HGSNAT: variants seen among roughly 807,000 people sequenced by gnomAD.
HGSNAT encodes transmembrane protein 76.
In HGSNAT, 59 loss-of-function variants were observed where a neutral mutation model predicts 85.2. The ratio of observed to expected loss-of-function variants is 0.69; its 90% CI spans 0.56 to 0.86. The LOEUF (loss-of-function observed/expected upper bound fraction) is 0.86. Ranked by LOEUF, HGSNAT falls within the 40% of genes least tolerant of loss-of-function variation. HGSNAT has a pLI of 0.00. For synonymous variants in HGSNAT, 321 were observed against 304.5 expected (o/e 1.05, Z -0.56); for missense variants, 756 against 777.1 (o/e 0.97, Z 0.32).
In HGSNAT at chr8:43,173,762, C is replaced by G. The variant is rs1803714783; in HGVS notation, c.851+19C>G. On this transcript the variant is annotated intron_variant, in intron 9 of 17. Coordinates refer to ENST00000379644, the MANE Select transcript of HGSNAT (RefSeq NM_152419.3). ...TCCCGTGGTGAGTTGCCGGTCTGCCCTCTTCTCTTCCACGGGTTGACTCCA... is the reference window on the plus strand; with the variant it reads ...TCCCGTGGTGAGTTGCCGGTCTGCCGTCTTCTCTTCCACGGGTTGACTCCA... 6.2e-7 allele frequency: 1 copy of G among 1,609,322 alleles called. No individual in the cohort carries two copies.
At chr8:43,184,953 G>T (rs535602431) in intron 11 of HGSNAT, among the ~76,000 whole-genome samples, 3 of 152,166 alleles carry the variant, frequency 2.0e-5, no homozygotes, top group Non-Finnish European at 2.9e-5. Context: ...TTGTAGATGT[G>T]TGGTATTATT....
rs528466699 is a variant in HGSNAT, at chr8:43,169,243, G to A, written c.633+1G>A. The A allele has an allele frequency of 6.4e-7, 1 of 1,571,114 alleles. No homozygotes were observed. On this transcript the variant is annotated splice_donor_variant, in intron 6 of 17. Transcript: ENST00000379644. LOFTEE classifies it high-confidence loss of function. ...AGAAACTGATCGCCTCATCAATTCT[G>A]TAAGTTATGAGATGCATAGTGTATT...
intron 5 of HGSNAT, among the ~76,000 whole-genome samples, chr8:43,168,319 T>C (rs778949822): frequency 1.3e-5 from 2 of 151,728 alleles, no homozygotes; most frequent in Admixed American, 1.3e-4. Context: ...AGTGTGCACA[T>C]ATGCATTTTT....
intron 15 of HGSNAT, chr8:43,197,405 C>T (rs1046408211): frequency 2.6e-5 from 14 of 546,372 alleles, no homozygotes; most frequent in East Asian, 1.2e-4. Flanking sequence ...TCATCCTGAC[C>T]GCAGCCATGC....
chr8:43,159,444 TG>T (rs1316144556), intron 4 of HGSNAT, among the ~76,000 whole-genome samples: 1 of 152,004 alleles, frequency 6.6e-6, no homozygotes, highest in Non-Finnish European at 1.5e-5. Flanking sequence ...AAAAATTAGC[TG>T]GGCCTGGCGA....
At chr8:43,177,475 G>A (rs1236596163) in intron 9 of HGSNAT, among the ~76,000 whole-genome samples, 3 of 150,382 alleles carry the variant, frequency 2.0e-5, no homozygotes, top group East Asian at 2.0e-4. Flanking sequence ...GGAGAATGGC[G>A]TGAACCCAGG....
In HGSNAT at chr8:43,150,766, G is replaced by A. The variant is rs572107373; in HGVS notation, c.234+3703G>A. ...GGAGAATGGCGTGAACCCGGGAGGC[G>A]GAGCTTGCAAAGAGCCAAGATTGCG... On this transcript the variant is annotated intron_variant, in intron 2 of 17. Coordinates refer to ENST00000379644, the MANE Select transcript of HGSNAT (RefSeq NM_152419.3). Among the ~76,000 whole-genome samples the A allele has an allele frequency of 1.3e-4, 20 of 152,048 alleles. No individual in the cohort carries two copies. The South Asian group carries it at 2.3e-3, about 17-fold the overall frequency.
At chr8:43,198,457 T>A (rs1192759507) in intron 17 of HGSNAT, among the ~76,000 whole-genome samples, 1 of 151,786 alleles carries the variant, frequency 6.6e-6, no homozygotes, top group Non-Finnish European at 1.5e-5. Context: ...CCAGCTAATT[T>A]TTTGTATTTT....
chr8:43,189,667 C>T (rs2130801242), intron 11 of HGSNAT, among the ~76,000 whole-genome samples: 1 of 152,356 alleles, frequency 6.6e-6, no homozygotes, highest in African/African-American at 2.4e-5. Flanking sequence ...GTTGGAAATG[C>T]AGAAATCATC....
At chr8:43,153,909 C>G (rs1307504688) in intron 2 of HGSNAT, among the ~76,000 whole-genome samples, 1 of 152,168 alleles carries the variant, frequency 6.6e-6, no homozygotes, top group African/African-American at 2.4e-5. Flanking sequence ...TAGTATTCCT[C>G]TGTGAATATA....
chr8:43,179,414 G>A (rs1803952013), intron 10 of HGSNAT, among the ~76,000 whole-genome samples: 1 of 105,588 alleles, frequency 9.5e-6, no homozygotes, highest in Non-Finnish European at 2.0e-5. Context: ...CCGGGCAGAG[G>A]GGTCCTCACT....
intron 14 of HGSNAT, among the ~76,000 whole-genome samples, chr8:43,195,638 A>AAGGAGGAGGGGCTG (rs1804690916): frequency 1.6e-4 from 2 of 12,158 alleles, no homozygotes; most frequent in Admixed American, 1.5e-3. Flanking sequence ...GGGTGGAGGA[A>AAGGAGGAGGGGCTG]GAGGAGGAGG....
rs956328769 is a variant in HGSNAT, at chr8:43,199,737, G to A, written c.*168G>A. ...AAACTGGTTAACTGTGACACGGCTC[G>A]CCAGAACTCTGCCTGTCTATTTGTG... On this transcript the variant is annotated 3_prime_UTR_variant, in exon 18 of 18. Coordinates refer to ENST00000379644, the MANE Select transcript of HGSNAT (RefSeq NM_152419.3). 10 of 425,966 alleles carry A rather than the reference G, an allele frequency of 2.3e-5. No homozygotes were observed. Among genetic ancestry groups the A allele is most frequent in the Admixed American group, 4.3e-5 (1 of 23,504 alleles). 26.4% of individuals were successfully genotyped at this position (425,966 alleles called of 1,614,324 possible). A position where few individuals can be genotyped will look rare whatever the true frequency, so the allele number is the denominator to read the frequency against.
In HGSNAT at chr8:43,173,921, A is replaced by G; in HGVS notation, c.851+178A>G. 4 of 607,878 alleles carry G rather than the reference A, an allele frequency of 6.6e-6. No individual in the cohort carries two copies. The South Asian group carries it at 9.3e-5, about 14-fold the overall frequency. The allele number at this position is 607,878 out of a possible 1,614,324, so 37.7% of individuals were successfully genotyped here. ...ACCCAGTGCCTACACGTGTGTATAA[A>G]AGAGTGATTTGGGGCCGGGCGCGGT... On this transcript the variant is annotated intron_variant, in intron 9 of 17. Transcript: ENST00000379644.
chr8:43,191,476 G>T lies in HGSNAT; in HGVS notation c.1131G>T (p.Glu377Asp). ...TTTATTTTTCTGCCCCCACTCAGGAGAGGAGCTGCCTTTCTCTTCGAGACA... is the reference window on the plus strand; with the variant it reads ...TTTATTTTTCTGCCCCCACTCAGGATAGGAGCTGCCTTTCTCTTCGAGACA... Reference protein sequence around the residue: ...AKPVPEHCASERSCLSLRDIT... With the variant: ...AKPVPEHCASDRSCLSLRDIT... The change falls in exon 12 of 18, where the codon GAG becomes GAT. Residue 377 changes from glutamate (E) to aspartate (D), a missense_variant and splice_region_variant. Transcript: ENST00000379644. 1 of 1,613,218 alleles carries T rather than the reference G, an allele frequency of 6.2e-7. No individual in the cohort carries two copies. The highest frequency in any genetic ancestry group is 8.5e-7 in the Non-Finnish European group (1 of 1,179,252).
chr8:43,185,849 G>T (rs1185865597), intron 11 of HGSNAT, among the ~76,000 whole-genome samples: 3 of 152,136 alleles, frequency 2.0e-5, no homozygotes, highest in Non-Finnish European at 4.4e-5. Context: ...TAGCATGAAG[G>T]GCTGTTGAAT....
At chr8:43,177,463 T>A (rs1256231895) in intron 9 of HGSNAT, among the ~76,000 whole-genome samples, 2 of 142,972 alleles carry the variant, frequency 1.4e-5, no homozygotes, top group South Asian at 2.2e-4. Context: ...GAGGCTGAGG[T>A]GGGAGAATGG....
chr8:43,166,334 T>C (rs1586720586), intron 5 of HGSNAT, among the ~76,000 whole-genome samples: 1 of 152,198 alleles, frequency 6.6e-6, no homozygotes, highest in African/African-American at 2.4e-5. Context: ...CTAAGACTTT[T>C]AATAGCCAGG....
chr8:43,165,022 A>G (rs942006194), intron 5 of HGSNAT, among the ~76,000 whole-genome samples: 2 of 148,136 alleles, frequency 1.4e-5, no homozygotes, highest in Admixed American at 6.7e-5. Context: ...AGCTGGGACT[A>G]GAGGCATGTG....
Sources: gnomAD v4.1 joint callset for allele counts (sites outside exome capture counted in the v4.1 genomes callset) on GRCh38, gnomAD v4.1.1 for gene constraint, MANE v1.5 for transcripts, NCBI Gene and HGNC (gene_info 2026-07-23, HGNC 2026-07-21) for gene names.